Variants in IRS1 observed in about 807,000 individuals in gnomAD.
IRS1 encodes the protein insulin receptor substrate 1.
Under a neutral mutation model 65.6 loss-of-function variants are expected in IRS1, and 34 were observed. The ratio of observed to expected loss-of-function variants is 0.52; its 90% CI spans 0.39 to 0.69. The LOEUF (loss-of-function observed/expected upper bound fraction) is 0.69. Among genes scored for constraint, IRS1 ranks in the 30% least tolerant of loss-of-function variants. The probability of loss-of-function intolerance (pLI) is 0.00; values close to 1 mark genes in which losing one functional copy is unlikely to be tolerated. For synonymous variants in IRS1, 699 were observed against 683.5 expected (o/e 1.02, Z -0.35); for missense variants, 1,641 against 1,720.2 (o/e 0.95, Z 0.81).
chr2:226,799,302 G>T lies in IRS1; in HGVS notation c.-564C>A. ...CTCCTCCCACCCCCCAACCGTCCCAGCCGCCACCAGCCGCCCAAATACCAG... is the reference window on the plus strand; with the variant it reads ...CTCCTCCCACCCCCCAACCGTCCCATCCGCCACCAGCCGCCCAAATACCAG... On this transcript the variant is annotated 5_prime_UTR_variant, in exon 1 of 2. It adds an upstream start codon to the 5' untranslated region. Coordinates refer to ENST00000305123, the MANE Select transcript of IRS1 (RefSeq NM_005544.3). The surrounding 1 kb of genome is among the most constrained non-coding windows in gnomAD (Gnocchi z 6.1). 1 of 1,203,422 alleles carries T rather than the reference G, an allele frequency of 8.3e-7. No individual in the cohort carries two copies. 74.5% of individuals were successfully genotyped at this position (1,203,422 alleles called of 1,614,324 possible). A position where few individuals can be genotyped will look rare whatever the true frequency, so the allele number is the denominator to read the frequency against.
At chr2:226,759,105 G>C (rs1938863585) in intron 1 of IRS1, among the ~76,000 whole-genome samples, 2 of 152,166 alleles carry the variant, frequency 1.3e-5, no homozygotes, top group African/African-American at 4.8e-5. Flanking sequence ...TCCGGGGCTG[G>C]TGCAAGGGAT....
chr2:226,784,548 G>A (rs1434454446), intron 1 of IRS1, among the ~76,000 whole-genome samples: 12 of 152,032 alleles, frequency 7.9e-5, no homozygotes, highest in Admixed American at 1.3e-4. Context: ...TGAGCCTCCC[G>A]AGTAGCTGGG....
intron 1 of IRS1, among the ~76,000 whole-genome samples, chr2:226,786,925 G>T (rs930109048): frequency 6.6e-6 from 1 of 151,820 alleles, no homozygotes; most frequent in African/African-American, 2.4e-5. Flanking sequence ...AGCAAGCAAG[G>T]AACCACAGTT....
At chr2:226,780,281 A>G (rs1368303878) in intron 1 of IRS1, among the ~76,000 whole-genome samples, 1 of 152,122 alleles carries the variant, frequency 6.6e-6, no homozygotes, top group Non-Finnish European at 1.5e-5. Flanking sequence ...AATCCCAGCT[A>G]CTTGGGAGGC....
Position 226,797,135 on chromosome 2 carries a change from G to A in IRS1, c.1604C>T (p.Thr535Ile), listed in dbSNP as rs1939746469. The stretch of plus-strand genomic sequence containing the variant: ...GGACTGGGACGGGGTCTTCTGGTGG[G>A]TAATGGTAGGGGATGTGCCTGCCGA... Reference protein sequence around the residue: ...THSAGTSPTITHQKTPSQSSV... With the variant: ...THSAGTSPTIIHQKTPSQSSV... The change falls in exon 1 of 2, where the codon ACC (threonine) becomes ATC (isoleucine). Residue 535 changes from threonine to isoleucine, a missense_variant. Thr to Ile is a moderately conservative substitution (Grantham distance 89). Transcript: ENST00000305123. This position sits in a 1 kb window ranked among gnomAD's most constrained non-coding sequence, Gnocchi z 8.1. 6.2e-7 allele frequency: 1 copy of A among 1,613,788 alleles called. No homozygotes were observed. Among genetic ancestry groups the A allele is most frequent in the Middle Eastern group, 1.6e-4 (1 of 6,084 alleles).
intron 1 of IRS1, among the ~76,000 whole-genome samples, chr2:226,780,188 C>G (rs1939355035): frequency 6.6e-6 from 1 of 152,016 alleles, no homozygotes; most frequent in Non-Finnish European, 1.5e-5. Context: ...ATCAGGAGTT[C>G]AAGACCAGCC....
Position 226,797,020 on chromosome 2 carries a change from G to A in IRS1, c.1719C>T (p.His573=). Residue 573 remains histidine, a synonymous_variant, in exon 1 of 2, where the codon CAC becomes CAT. Coordinates refer to ENST00000305123, the MANE Select transcript of IRS1 (RefSeq NM_005544.3). This position sits in a 1 kb window ranked among gnomAD's most constrained non-coding sequence, Gnocchi z 8.1. The part of the protein sequence containing the change: ...GSGGRLPGHR[H]SAFVPTRSYP... The stretch of plus-strand genomic sequence containing the variant: ...AGGAGCGGGTGGGCACGAAGGCGGA[G>A]TGCCTGTGTCCCGGCAGTCGGCCTC... 13 of 1,605,370 alleles carry A rather than the reference G, an allele frequency of 8.1e-6. No homozygotes were observed. Among genetic ancestry groups the A allele is most frequent in the Non-Finnish European group, 1.0e-5 (12 of 1,174,032 alleles).
At position 226,732,299 on chromosome 2, in the gene IRS1, C is replaced by T. The variant is rs1938236614; in HGVS notation, c.*3973G>A. 1 of 151,896 alleles carries T rather than the reference C, an allele frequency of 6.6e-6. No individual in the cohort carries two copies. The highest frequency in any genetic ancestry group is 1.5e-5 in the Non-Finnish European group (1 of 68,014). 9.4% of individuals were successfully genotyped at this position (151,896 alleles called of 1,614,324 possible). ...TTCTGTGGCGCTGCCTCAGAAAGGA[C>T]CCATGGCCCCAGTGTTTATCCTCGG... On this transcript the variant is annotated 3_prime_UTR_variant, in exon 2 of 2. Coordinates refer to ENST00000305123, the MANE Select transcript of IRS1 (RefSeq NM_005544.3).
chr2:226,799,179 T>C lies in IRS1; in HGVS notation c.-441A>G, dbSNP rs1176260348. 3 of 1,109,504 alleles carry C rather than the reference T, an allele frequency of 2.7e-6. No individual in the cohort carries two copies. The highest frequency in any genetic ancestry group is 3.4e-6 in the Non-Finnish European group (3 of 895,100). The allele number at this position is 1,109,504 out of a possible 1,614,324, so 68.7% of individuals were successfully genotyped here. A position where few individuals can be genotyped will look rare whatever the true frequency, so the allele number is the denominator to read the frequency against. ...GCGCCTTCCCTCCTGAGTTCCCCTC[T>C]GGAAGCAGCGATTCCCGAGGCAAAT... On this transcript the variant is annotated 5_prime_UTR_variant, in exon 1 of 2. Coordinates refer to ENST00000305123, the MANE Select transcript of IRS1 (RefSeq NM_005544.3). This position sits in a 1 kb window ranked among gnomAD's most constrained non-coding sequence, Gnocchi z 6.1.
In IRS1 at chr2:226,731,689, G is replaced by C. The variant is rs1559144103; in HGVS notation, c.*4583C>G. The C allele has an allele frequency of 6.6e-6, 1 of 152,170 alleles. No homozygotes were observed. The highest frequency in any genetic ancestry group is 1.5e-5 in the Non-Finnish European group (1 of 68,038). 9.4% of individuals were successfully genotyped at this position (152,170 alleles called of 1,614,324 possible). On this transcript the variant is annotated 3_prime_UTR_variant, in exon 2 of 2. Transcript: ENST00000305123. ...CGGGGCAGCACCACCATCTTAAGAT[G>C]ATAAACCAAACTGCACATACATTAA... is the stretch of plus-strand genomic sequence containing the variant.
At chr2:226,767,784 G>C (rs1939084656) in intron 1 of IRS1, among the ~76,000 whole-genome samples, 1 of 152,162 alleles carries the variant, frequency 6.6e-6, no homozygotes, top group Admixed American at 6.5e-5. Context: ...GGTAGAGGTG[G>C]CTTTAGTTCA....
Position 226,798,908 on chromosome 2 carries a change from G to C in IRS1, c.-170C>G. ...CCGCGCCGGGGAGGGGCAGCTGAAG[G>C]AGGACGCAGCTGCTGAGCCCAGGAG... is the stretch of plus-strand genomic sequence containing the variant. On this transcript the variant is annotated 5_prime_UTR_variant, in exon 1 of 2. Coordinates refer to ENST00000305123, the MANE Select transcript of IRS1 (RefSeq NM_005544.3). The surrounding 1 kb of genome is among the most constrained non-coding windows in gnomAD (Gnocchi z 9.4). The C allele has an allele frequency of 6.7e-7, 1 of 1,500,304 alleles. No homozygotes were observed. Among genetic ancestry groups the C allele is most frequent in the Non-Finnish European group, 8.9e-7 (1 of 1,122,772 alleles). 92.9% of individuals were successfully genotyped at this position (1,500,304 alleles called of 1,614,324 possible). A position where few individuals can be genotyped will look rare whatever the true frequency, so the allele number is the denominator to read the frequency against.
intron 1 of IRS1, among the ~76,000 whole-genome samples, chr2:226,780,448 T>C (rs1239333555): frequency 2.6e-5 from 4 of 152,234 alleles, no homozygotes; most frequent in African/African-American, 7.2e-5. Context: ...GTAGCTGTGA[T>C]ATAATGCTTA....
intron 1 of IRS1, among the ~76,000 whole-genome samples, chr2:226,760,316 G>A (rs898109531): frequency 6.6e-6 from 1 of 152,032 alleles, no homozygotes; most frequent in African/African-American, 2.4e-5. Context: ...TCAATAAGTG[G>A]CTTTACTAAA....
Position 226,734,746 on chromosome 2 carries a change from C to T in IRS1, c.*1526G>A, listed in dbSNP as rs1335147085. 1.3e-5 allele frequency: 2 copies of T among 152,180 alleles called. No homozygotes were observed. Among genetic ancestry groups the T allele is most frequent in the African/African-American group, 2.4e-5 (1 of 41,452 alleles). 9.4% of individuals were successfully genotyped at this position (152,180 alleles called of 1,614,324 possible). ...CTGGTAAAAAGATTTAAAAATCTGT[C>T]GGCAATATCTTTAAATGCATTCATT... is the stretch of plus-strand genomic sequence containing the variant. On this transcript the variant is annotated 3_prime_UTR_variant, in exon 2 of 2. Coordinates refer to ENST00000305123, the MANE Select transcript of IRS1 (RefSeq NM_005544.3).
chr2:226,736,973 G>C (rs1013779794), intron 1 of IRS1, among the ~76,000 whole-genome samples: 44 of 151,710 alleles, frequency 2.9e-4, no homozygotes, highest in Non-Finnish European at 5.7e-4. Context: ...TTAAGTTTTA[G>C]GGTACACATG....
At chr2:226,759,704 C>T (rs1021017071) in intron 1 of IRS1, among the ~76,000 whole-genome samples, 1 of 152,138 alleles carries the variant, frequency 6.6e-6, no homozygotes, top group African/African-American at 2.4e-5. Context: ...GACAAATAAA[C>T]ACCCTTTTTT....
At chr2:226,756,344 T>C (rs923403016) in intron 1 of IRS1, among the ~76,000 whole-genome samples, 5 of 152,232 alleles carry the variant, frequency 3.3e-5, no homozygotes, top group Non-Finnish European at 5.9e-5. Context: ...CCCTAGTCAG[T>C]GAATCACCAT....
At chr2:226,750,600 G>A (rs1938659257) in intron 1 of IRS1, among the ~76,000 whole-genome samples, 1 of 152,142 alleles carries the variant, frequency 6.6e-6, no homozygotes, top group Non-Finnish European at 1.5e-5. Context: ...AGTTCAAAAT[G>A]TTTTAATATC....
Sources: allele counts gnomAD v4.1 joint callset (sites outside exome capture counted in the v4.1 genomes callset), GRCh38; gene constraint gnomAD v4.1.1; non-coding constraint Gnocchi (gnomAD v3.1); transcripts MANE v1.5; gene names NCBI Gene and HGNC (gene_info 2026-07-23, HGNC 2026-07-21).